CRYBG2: variants seen among roughly 807,000 people sequenced by gnomAD.
The protein encoded by CRYBG2 is crystallin beta-gamma domain containing 2.
Under a neutral mutation model 153.4 loss-of-function variants are expected in CRYBG2, and 106 were observed. The ratio of observed to expected loss-of-function variants is 0.69; its 90% CI spans 0.59 to 0.81. The LOEUF is 0.81. Among genes scored for constraint, CRYBG2 ranks in the 30% least tolerant of loss-of-function variants. CRYBG2 has a pLI of 0.00. For missense variants in CRYBG2, 1,996 were observed against 2,112.0 expected (o/e 0.95, Z 1.08); for synonymous variants, 851 against 877.8 (o/e 0.97, Z 0.54).
intron 17 of CRYBG2, among the ~76,000 whole-genome samples, chr1:26,326,308 C>T (rs1424387473): frequency 1.3e-5 from 2 of 151,932 alleles, no homozygotes; most frequent in East Asian, 1.9e-4. Context: ...GAGGCTGAGA[C>T]GGGCGGATCA....
At chr1:26,337,897 C>T (rs1050513891) in intron 8 of CRYBG2, 115 bp downstream of exon 8, 33 of 1,410,596 alleles carry the variant, frequency 2.3e-5, no homozygotes, top group African/African-American at 7.2e-5. Context: ...CCCCCCAGAC[C>T]GTGCTTCTGG....
rs556513450 is a variant in CRYBG2, at chr1:26,337,784, T to A, written c.3508-110A>T. ...TGTGGCACCCCCCAGCCCTCCCACC[T>A]CCTTGCTGAACTCCATCCCCTTACC... On this transcript the variant is annotated intron_variant, in intron 8 of 19. Transcript: ENST00000308182. The A allele has an allele frequency of 1.6e-3, 2,381 of 1,446,490 alleles. 9 individuals are homozygous for A. Among genetic ancestry groups the A allele is most frequent in the Non-Finnish European group, 1.8e-3 (1,985 of 1,075,920 alleles). The allele number at this position is 1,446,490 out of a possible 1,614,324, so 89.6% of individuals were successfully genotyped here.
Position 26,344,134 on chromosome 1 carries a change from C to A in CRYBG2, c.2524G>T (p.Asp842Tyr). 2 of 1,536,098 alleles carry A rather than the reference C, an allele frequency of 1.3e-6. No individual in the cohort carries two copies. The highest frequency in any genetic ancestry group is 1.7e-6 in the Non-Finnish European group (2 of 1,146,874). Residue 842 changes from aspartate (D) to tyrosine (Y), a missense_variant, in exon 2 of 20, where the codon GAT becomes TAT. Transcript: ENST00000308182. ...TCCTGCCTGCGCTGGAGCTTCTCATCGTCACTCAGATAGGGGTTCTCTGGT... is the reference window on the plus strand; with the variant it reads ...TCCTGCCTGCGCTGGAGCTTCTCATAGTCACTCAGATAGGGGTTCTCTGGT... ...EEPENPYLSD[D>Y]EKLQRRQEKA... is the part of the protein sequence containing the mutation.
In CRYBG2 at chr1:26,344,011, T is replaced by C; in HGVS notation, c.2647A>G (p.Thr883Ala). 6.5e-7 allele frequency: 1 copy of C among 1,536,180 alleles called. No homozygotes were observed. Among genetic ancestry groups the C allele is most frequent in the Non-Finnish European group, 8.7e-7 (1 of 1,146,890 alleles). ...CCCAGCTCTGAGTGGGGGCCCTTGG[T>C]TCCTGCTACATGCTTCTTCATCATC... The part of the protein sequence containing the change: ...LEMMKKHVAG[T>A]KGPHSELGLE... Residue 883 changes from threonine (T) to alanine (A), a missense_variant, in exon 2 of 20, where the codon ACC (threonine) becomes GCC (alanine). Physicochemically the swap from Thr to Ala is moderately conservative, Grantham distance 58. Transcript: ENST00000308182.
chr1:26,346,864 TG>T lies in CRYBG2; in HGVS notation c.-55-153del, dbSNP rs2074229571. On this transcript the variant is annotated intron_variant, in intron 1 of 19. Coordinates refer to ENST00000308182, the MANE Select transcript of CRYBG2 (RefSeq NM_001039775.4). This position sits in a 1 kb window ranked among gnomAD's most constrained non-coding sequence, Gnocchi z 4.9. Reference sequence around the variant, plus strand: ...TGCTTTCTCATCTGTGAAATGGGCATGGTAGTCTCAGCTCTGATTTGGTTGA... The same window carrying T: ...TGCTTTCTCATCTGTGAAATGGGCATGTAGTCTCAGCTCTGATTTGGTTGA... Among the ~76,000 whole-genome samples the T allele has an allele frequency of 6.6e-6, 1 of 152,214 alleles. No homozygotes were observed. The highest frequency in any genetic ancestry group is 1.5e-5 in the Non-Finnish European group (1 of 68,026).
rs2074156573 is a variant in CRYBG2 at position 26,343,305 on chromosome 1, G to A, written c.2914-12C>T. The A allele has an allele frequency of 3.2e-6, 5 of 1,550,298 alleles. No homozygotes were observed. The highest frequency in any genetic ancestry group is 3.5e-6 in the Non-Finnish European group (4 of 1,146,946). On this transcript the variant is annotated splice_polypyrimidine_tract_variant and intron_variant, in intron 2 of 19. Transcript: ENST00000308182. The surrounding 1 kb of genome is among the most constrained non-coding windows in gnomAD (Gnocchi z 4.1). ...TTTAAGGCTGGGCTCTGAAACGGAGGCAGGTGATAAAGAAGTCCTGTGGGG... is the reference window on the plus strand; with the variant it reads ...TTTAAGGCTGGGCTCTGAAACGGAGACAGGTGATAAAGAAGTCCTGTGGGG...
At position 26,344,349 on chromosome 1, in the gene CRYBG2, G is replaced by A. The variant is rs558118601; in HGVS notation, c.2309C>T (p.Thr770Met). The change falls in exon 2 of 20, where the codon ACG becomes ATG. Residue 770 changes from threonine (T) to methionine (M), a missense_variant. Coordinates refer to ENST00000308182, the MANE Select transcript of CRYBG2 (RefSeq NM_001039775.4). ...CTCAGGGGGCTCCATGCTCCGCAGC[G>A]TATCCAGGAATATCTCCAGGTCAGC... ...LAADLEIFLD[T>M]LRSMEPPEIL... 879 of 1,506,128 alleles carry A rather than the reference G, an allele frequency of 5.8e-4. 6 individuals carry two copies. The African/African-American group carries it at 0.011, about 18-fold the overall frequency. 93.3% of individuals were successfully genotyped at this position (1,506,128 alleles called of 1,614,324 possible).
chr1:26,344,301 G>A lies in CRYBG2; in HGVS notation c.2357C>T (p.Pro786Leu). ...PPEILRTHRL[P>L]RAPRSSYLSM... Reference sequence around the variant, plus strand: ...CAGGTAGGAGGAGCGAGGGGCTCGTGGCAGCCGGTGAGTGCGGAGGATCTC... The same window carrying A: ...CAGGTAGGAGGAGCGAGGGGCTCGTAGCAGCCGGTGAGTGCGGAGGATCTC... The change falls in exon 2 of 20, where the codon CCA becomes CTA. Residue 786 changes from proline (P) to leucine (L), a missense_variant. Transcript: ENST00000308182. The A allele has an allele frequency of 2.0e-6, 3 of 1,511,490 alleles. No homozygotes were observed. The highest frequency in any genetic ancestry group is 1.8e-6 in the Non-Finnish European group (2 of 1,131,074). 93.6% of individuals were successfully genotyped at this position (1,511,490 alleles called of 1,614,324 possible). A position where few individuals can be genotyped will look rare whatever the true frequency, so the allele number is the denominator to read the frequency against.
chr1:26,328,429 C>T, intron 16 of CRYBG2, 97 bp from the exon 17 acceptor site: 1 of 1,483,472 alleles, frequency 6.7e-7, no homozygotes, highest in African/African-American at 1.4e-5. Context: ...ACGTTCTCCA[C>T]CTCCTCTTCT....
chr1:26,337,545 C>G lies in CRYBG2; in HGVS notation c.3637G>C (p.Gly1213Arg), dbSNP rs141056748. 1 of 1,612,202 alleles carries G rather than the reference C, an allele frequency of 6.2e-7. No homozygotes were observed. The highest frequency in any genetic ancestry group is 2.2e-5 in the East Asian group (1 of 44,876). The change falls in exon 9 of 20, where the codon GGA (glycine) becomes CGA (arginine). Residue 1213 changes from glycine (G) to arginine (R), a missense_variant. By Grantham distance (125) the Gly-to-Arg change is moderately radical. Coordinates refer to ENST00000308182, the MANE Select transcript of CRYBG2 (RefSeq NM_001039775.4). ...AGGGTCCTGAGTTCTCACCAGCCTC[C>G]GAGAACTCTCAGGGACCCCACAGAG... ...LASVGSLRVL[G>R]GCWVGYEKEG...
chr1:26,343,541 A>C lies in CRYBG2; in HGVS notation c.2913+204T>G, dbSNP rs2074159855. Among the ~76,000 whole-genome samples the C allele has an allele frequency of 6.6e-6, 1 of 152,124 alleles. No homozygotes were observed. Among genetic ancestry groups the C allele is most frequent in the Admixed American group, 6.5e-5 (1 of 15,278 alleles). ...GGAGCCCCCACACCCTTTGGAATCC[A>C]CAGTACAAACCTCCCACAGTAGGGA... On this transcript the variant is annotated intron_variant, in intron 2 of 19. Transcript: ENST00000308182. The surrounding 1 kb of genome is among the most constrained non-coding windows in gnomAD (Gnocchi z 4.1).
At chr1:26,332,220 T>A (rs1164734007) in intron 14 of CRYBG2, among the ~76,000 whole-genome samples, 1 of 143,348 alleles carries the variant, frequency 7.0e-6, no homozygotes, top group African/African-American at 2.6e-5. Context: ...GGCAGGAGAA[T>A]GGCATGAACC....
In CRYBG2 at chr1:26,346,090, G is replaced by T. The variant is rs538024981; in HGVS notation, c.568C>A (p.Arg190=). Residue 190 remains arginine (R), a synonymous_variant, in exon 2 of 20, where the codon CGG becomes AGG. Coordinates refer to ENST00000308182, the MANE Select transcript of CRYBG2 (RefSeq NM_001039775.4). This position sits in a 1 kb window ranked among gnomAD's most constrained non-coding sequence, Gnocchi z 4.9. ...ACAGTCACAGAGCTGCTCATCCGCCGGTCCACATGACCTCCCACCACTGTG... is the reference window on the plus strand; with the variant it reads ...ACAGTCACAGAGCTGCTCATCCGCCTGTCCACATGACCTCCCACCACTGTG... ...TTTVVGGHVD[R]RMSSSVTVRP... is the part of the protein sequence containing the mutation. 3 of 1,576,646 alleles carry T rather than the reference G, an allele frequency of 1.9e-6. No individual in the cohort carries two copies. The highest frequency in any genetic ancestry group is 2.6e-6 in the Non-Finnish European group (3 of 1,165,950).
intron 7 of CRYBG2, 68 bp downstream of exon 7, chr1:26,338,283 G>T: frequency 2.6e-6 from 4 of 1,532,868 alleles, no homozygotes; most frequent in Non-Finnish European, 3.5e-6. Context: ...ACAGACTGCA[G>T]GACCAGCTAC....
chr1:26,339,938 C>G (rs1402522125), intron 5 of CRYBG2, among the ~76,000 whole-genome samples: 1 of 152,206 alleles, frequency 6.6e-6, no homozygotes, highest in African/African-American at 2.4e-5. Flanking sequence ...TGTGCTGGTC[C>G]TTTGCTGAAC....
rs140481052 is a variant in CRYBG2, at chr1:26,344,687, C to T, written c.1971G>A (p.Pro657=). 1,053 of 1,531,964 alleles carry T rather than the reference C, an allele frequency of 6.9e-4. 3 individuals carry two copies. The highest frequency in any genetic ancestry group is 5.1e-3 in the African/African-American group (371 of 73,024). The allele number at this position is 1,531,964 out of a possible 1,614,324, so 94.9% of individuals were successfully genotyped here. ...AVQGIAGSLA[P]PLTKEETVQG... Reference sequence around the variant, plus strand: ...GAACAGTCTCTTCCTTGGTGAGGGGCGGGGCAAGGCTGCCTGCAATACCCT... The same window carrying T: ...GAACAGTCTCTTCCTTGGTGAGGGGTGGGGCAAGGCTGCCTGCAATACCCT... Residue 657 remains proline, a synonymous_variant, in exon 2 of 20, where the codon CCG becomes CCA. Coordinates refer to ENST00000308182, the MANE Select transcript of CRYBG2 (RefSeq NM_001039775.4).
chr1:26,341,978 C>T (rs759642563), intron 5 of CRYBG2, among the ~76,000 whole-genome samples: 3 of 152,196 alleles, frequency 2.0e-5, no homozygotes, highest in Non-Finnish European at 4.4e-5. Context: ...ACCCAATCCT[C>T]ACAGCCTAGC....
chr1:26,323,229 T>C (rs570812158), intron 18 of CRYBG2, among the ~76,000 whole-genome samples: 30 of 151,846 alleles, frequency 2.0e-4, no homozygotes, highest in Admixed American at 1.8e-3. Flanking sequence ...TACAGGTGCA[T>C]GCCACCACAT....
intron 17 of CRYBG2, among the ~76,000 whole-genome samples, chr1:26,324,511 C>T (rs1390633572): frequency 6.8e-6 from 1 of 147,688 alleles, no homozygotes; most frequent in African/African-American, 2.6e-5. Context: ...CTCTCACACA[C>T]ACACACACAC....
Sources: allele counts gnomAD v4.1 joint callset (sites outside exome capture counted in the v4.1 genomes callset), GRCh38; gene constraint gnomAD v4.1.1; non-coding constraint Gnocchi (gnomAD v3.1); transcripts MANE v1.5; gene names NCBI Gene and HGNC (gene_info 2026-07-23, HGNC 2026-07-21).